The following MS4A12 variants were observed in gnomAD, a reference collection of about 807,000 sequenced individuals.
MS4A12 encodes membrane-spanning 4-domains subfamily A member 12.
In MS4A12, 28 loss-of-function variants were observed where a neutral mutation model predicts 23.7. The observed-to-expected ratio is 1.18, with a 90% confidence interval of 0.88 to 1.62. The LOEUF (loss-of-function observed/expected upper bound fraction) is 1.62. MS4A12 is among the 40% of genes most tolerant of loss of function. The pLI, the probability that MS4A12 is intolerant of heterozygous loss-of-function variation, is 0.00. For missense variants in MS4A12, 342 were observed against 327.0 expected (o/e 1.05, Z -0.35); for synonymous variants, 108 against 110.1 (o/e 0.98, Z 0.12).
intron 3 of MS4A12, 126 bp downstream of exon 3, chr11:60,501,308 G>A: frequency 9.5e-7 from 1 of 1,051,610 alleles, no homozygotes; most frequent in African/African-American, 1.7e-5. Flanking sequence ...TCTGAGGGCT[G>A]GAGAATTTAG....
chr11:60,495,086 G>A (rs137886661), intron 1 of MS4A12, among the ~76,000 whole-genome samples: 36 of 151,040 alleles, frequency 2.4e-4, no homozygotes, highest in African/African-American at 8.0e-4. Flanking sequence ...TCCACCTCCC[G>A]GGTTCACACC....
At chr11:60,503,546 G>A (rs950777819) in intron 4 of MS4A12, among the ~76,000 whole-genome samples, 155 bp from the exon 5 acceptor site, 1 of 152,090 alleles carries the variant, frequency 6.6e-6, no homozygotes. Flanking sequence ...AATGTTTATG[G>A]TAATTACCCA....
chr11:60,506,684 C>T (rs2086572112), intron 5 of MS4A12, 44 bp from the exon 6 acceptor site: 8 of 1,516,508 alleles, frequency 5.3e-6, no homozygotes, highest in Non-Finnish European at 7.3e-6. Flanking sequence ...CCACGTGAGG[C>T]CCTCCTGATT....
chr11:60,498,341 G>A (rs1018363034), intron 2 of MS4A12, among the ~76,000 whole-genome samples: 1 of 152,154 alleles, frequency 6.6e-6, no homozygotes, highest in African/African-American at 2.4e-5. Flanking sequence ...CTCATTATGT[G>A]CCAGAAACTC....
At chr11:60,502,615 T>C (rs944220538) in intron 4 of MS4A12, among the ~76,000 whole-genome samples, 1 of 152,156 alleles carries the variant, frequency 6.6e-6, no homozygotes, top group African/African-American at 2.4e-5. Context: ...TATTCCAATT[T>C]CGTGGTCTAC....
At chr11:60,497,691 G>A (rs2298554) in intron 2 of MS4A12, 97 bp downstream of exon 2, 684,130 of 1,269,432 alleles carry the variant, frequency 0.54, 187,137 homozygotes, top group Admixed American at 0.67. Context: ...AGTTCTGAAC[G>A]TTATTCTGAA....
At chr11:60,500,916 T>A in intron 2 of MS4A12, 129 bp from the exon 3 acceptor site, 1 of 1,026,952 alleles carries the variant, frequency 9.7e-7, no homozygotes. Flanking sequence ...CTGCTTCAGA[T>A]GTGTGCCTGA....
At chr11:60,496,976 G>C (rs539865133) in intron 1 of MS4A12, among the ~76,000 whole-genome samples, 1 of 152,302 alleles carries the variant, frequency 6.6e-6, no homozygotes, top group African/African-American at 2.4e-5. Flanking sequence ...ATGCAACCTA[G>C]ATCCCCAACA....
At chr11:60,499,029 C>G (rs1046723633) in intron 2 of MS4A12, among the ~76,000 whole-genome samples, 24 of 152,150 alleles carry the variant, frequency 1.6e-4, no homozygotes, top group African/African-American at 5.1e-4. Flanking sequence ...GATGAGGAAC[C>G]ACTGAAGCAT....
intron 2 of MS4A12, among the ~76,000 whole-genome samples, chr11:60,500,009 GC>G (rs1255300101): frequency 6.6e-6 from 1 of 152,004 alleles, no homozygotes; most frequent in Non-Finnish European, 1.5e-5. Context: ...GGAGGCCAAG[GC>G]GGGCAGATCA....
At chr11:60,505,837 G>T (rs1462366075) in intron 5 of MS4A12, among the ~76,000 whole-genome samples, 1 of 152,114 alleles carries the variant, frequency 6.6e-6, no homozygotes, top group Non-Finnish European at 1.5e-5. Flanking sequence ...ACCCTGCATG[G>T]TACCCTACTA....
chr11:60,497,663 A>G, intron 2 of MS4A12, 69 bp downstream of exon 2: 1 of 1,503,630 alleles, frequency 6.7e-7, no homozygotes, highest in Admixed American at 1.8e-5. Context: ...ATAGGAGAGT[A>G]TCATCCAATT....
chr11:60,495,766 C>T (rs2086483413), intron 1 of MS4A12, among the ~76,000 whole-genome samples: 1 of 152,304 alleles, frequency 6.6e-6, no homozygotes, highest in South Asian at 2.1e-4. Context: ...TAAATGTTAG[C>T]TCTCTATACA....
At chr11:60,506,663 C>A in intron 5 of MS4A12, 65 bp from the exon 6 acceptor site, 2 of 1,286,400 alleles carry the variant, frequency 1.6e-6, no homozygotes, top group Non-Finnish European at 2.2e-6. Flanking sequence ...GAGTCAATAA[C>A]TTTTTGAAGC....
At position 60,502,008 on chromosome 11, in the gene MS4A12, T is replaced by C. The variant is rs2086533975; in HGVS notation, c.440T>C (p.Val147Ala). The C allele has an allele frequency of 1.2e-6, 2 of 1,613,202 alleles. No homozygotes were observed. The highest frequency in any genetic ancestry group is 2.7e-5 in the African/African-American group (2 of 74,926). ...LSFIISGSLS[V>A]SASKELSRCL... ...TTTATTATCTCTGGCTCTCTCTCTG[T>C]GTCAGCATCCAAGGAGCTTTCCCGT... Residue 147 changes from valine to alanine, a missense_variant, in exon 4 of 7, where the codon GTG (valine) becomes GCG (alanine). Physicochemically the swap from Val to Ala is moderately conservative, Grantham distance 64. Transcript: ENST00000016913.
chr11:60,499,058 G>A (rs970813130), intron 2 of MS4A12, among the ~76,000 whole-genome samples: 6 of 152,182 alleles, frequency 3.9e-5, no homozygotes, highest in Non-Finnish European at 8.8e-5. Context: ...GCACCGAAGA[G>A]GCGTGTGATA....
intron 6 of MS4A12, 40 bp downstream of exon 6, chr11:60,506,878 C>G (rs2086574621): frequency 3.8e-6 from 6 of 1,576,524 alleles, no homozygotes; most frequent in South Asian, 1.1e-5. Flanking sequence ...TCTGAAAATG[C>G]CCTGGAGAAA....
rs1175906955 is a variant in MS4A12 at position 60,507,419 on chromosome 11, T to C, written c.*295T>C. 2 of 318,292 alleles carry C rather than the reference T, an allele frequency of 6.3e-6. No individual in the cohort carries two copies. The highest frequency in any genetic ancestry group is 1.2e-4 in the East Asian group (2 of 16,680). The allele number at this position is 318,292 out of a possible 1,614,324, so 19.7% of individuals were successfully genotyped here. ...TTACTTTTTCCTTAATAAAATGTCA[T>C]TAGAAACAAAAGCCTTTTTCAGTAT... On this transcript the variant is annotated 3_prime_UTR_variant, in exon 7 of 7. Coordinates refer to ENST00000016913, the MANE Select transcript of MS4A12 (RefSeq NM_017716.3).
rs138525713 is a variant in MS4A12, at chr11:60,503,566, A to T, written c.472-135A>T. The T allele has an allele frequency of 5.0e-3, 3,482 of 698,422 alleles. 18 individuals are homozygous for T. Among genetic ancestry groups the T allele is most frequent in the Admixed American group, 7.5e-3 (248 of 32,956 alleles). The allele number at this position is 698,422 out of a possible 1,614,324, so 43.3% of individuals were successfully genotyped here. On this transcript the variant is annotated intron_variant, in intron 4 of 6. Coordinates refer to ENST00000016913, the MANE Select transcript of MS4A12 (RefSeq NM_017716.3). ...TTATGGTAATTACCCAGAAGGGCAG[A>T]AAACAGAATAATTTCAACTTGAAAA...
Sources: allele counts gnomAD v4.1 joint callset (sites outside exome capture counted in the v4.1 genomes callset), GRCh38; gene constraint gnomAD v4.1.1; transcripts MANE v1.5; gene names NCBI Gene and HGNC (gene_info 2026-07-23, HGNC 2026-07-21).